The following NVL variants were observed in gnomAD, a reference collection of about 807,000 sequenced individuals.
The protein encoded by NVL is nuclear VCP like.
In NVL, 84 loss-of-function variants were observed where a neutral mutation model predicts 110.2. The observed-to-expected ratio is 0.76, with a 90% CI of 0.64 to 0.91. The LOEUF (loss-of-function observed/expected upper bound fraction) is 0.91, where lower values mean the gene tolerates loss of function less well. Ranked by LOEUF, NVL falls within the 40% of genes least tolerant of loss-of-function variation. NVL has a pLI of 0.00. For synonymous variants in NVL, 354 were observed against 361.1 expected (o/e 0.98, Z 0.22); for missense variants, 882 against 1,035.9 (o/e 0.85, Z 2.04).
chr1:224,249,316 G>C (rs1662205143), intron 19 of NVL, among the ~76,000 whole-genome samples: 1 of 152,062 alleles, frequency 6.6e-6, no homozygotes, highest in South Asian at 2.1e-4. Context: ...GTAGAGATGG[G>C]GTTTCCCCAT....
At position 224,268,072 on chromosome 1, in the gene NVL, C is replaced by A. The variant is rs1664675866; in HGVS notation, c.2144G>T (p.Arg715Leu). The A allele has an allele frequency of 6.2e-7, 1 of 1,613,962 alleles. No homozygotes were observed. ...GGCTGCCATAATAAAAACCTGCTGG[C>A]GTGCTTCCAGACCATCCATCTCTGT... ...LLTEMDGLEA[R>L]QQVFIMAATN... The change falls in exon 18 of 23, where the codon CGC becomes CTC. Residue 715 changes from arginine to leucine, a missense_variant. Transcript: ENST00000281701.
rs146355877 is a variant in NVL at position 224,244,103 on chromosome 1, C to T, written c.2289+6109G>A. Reference sequence around the variant, plus strand: ...AATCTGGGGGCCGGGCGTGGTGGCTCATGCCTATAATCCCAGCACTTTGGG... The same window carrying T: ...AATCTGGGGGCCGGGCGTGGTGGCTTATGCCTATAATCCCAGCACTTTGGG... On this transcript the variant is annotated intron_variant, in intron 19 of 22. Coordinates refer to ENST00000281701, the MANE Select transcript of NVL (RefSeq NM_002533.4). Among the ~76,000 whole-genome samples, 470 of 151,806 alleles carry T rather than the reference C, an allele frequency of 3.1e-3. 6 individuals are homozygous for T. The highest frequency in any genetic ancestry group is 7.4e-3 in the Admixed American group (113 of 15,252).
intron 22 of NVL, among the ~76,000 whole-genome samples, chr1:224,229,598 C>T (rs986485842): frequency 1.3e-4 from 20 of 151,866 alleles, no homozygotes; most frequent in Admixed American, 5.3e-4. Flanking sequence ...GCTGGGACTA[C>T]AGGTGCGCGC....
intron 18 of NVL, among the ~76,000 whole-genome samples, chr1:224,266,280 A>C (rs563531957): frequency 2.6e-4 from 39 of 152,316 alleles, no homozygotes; most frequent in South Asian, 1.2e-3. Context: ...CAGTGAAACT[A>C]ATCTTTTGCT....
At chr1:224,299,880 T>C (rs1442462881) in intron 10 of NVL, among the ~76,000 whole-genome samples, 1 of 152,214 alleles carries the variant, frequency 6.6e-6, no homozygotes, top group Admixed American at 6.5e-5. Context: ...CTCTTCTAAT[T>C]TCACACAGGC....
intron 10 of NVL, chr1:224,298,268 GT>G: frequency 3.6e-6 from 1 of 279,246 alleles, no homozygotes; most frequent in Non-Finnish European, 6.8e-6. Flanking sequence ...AATGGGTACT[GT>G]TCAAAAAGGA....
intron 15 of NVL, among the ~76,000 whole-genome samples, chr1:224,282,070 A>ATTT (rs571698440): frequency 7.0e-6 from 1 of 142,224 alleles, no homozygotes; most frequent in Admixed American, 7.0e-5. Flanking sequence ...TTTCACTTTA[A>ATTT]TTTTTTTTTT....
At chr1:224,314,211 C>T (rs1430989853) in intron 4 of NVL, among the ~76,000 whole-genome samples, 3 of 152,044 alleles carry the variant, frequency 2.0e-5, no homozygotes, top group African/African-American at 7.2e-5. Context: ...AGAAATTCCA[C>T]CTCAAAAATT....
At position 224,246,049 on chromosome 1, in the gene NVL, G is replaced by C. The variant is rs1324836064; in HGVS notation, c.2289+4163C>G. 5.3e-5 allele frequency among the ~76,000 whole-genome samples: 8 copies of C among 150,278 alleles called. No individual in the cohort carries two copies. The East Asian group carries it at 1.6e-3, about 29-fold the overall frequency. ...GCCAGATGACTTTTTTTTTTTTGGA[G>C]ACAGAGTTTTGCTCTTGTTGCCCAG... On this transcript the variant is annotated intron_variant, in intron 19 of 22. Coordinates refer to ENST00000281701, the MANE Select transcript of NVL (RefSeq NM_002533.4).
intron 17 of NVL, among the ~76,000 whole-genome samples, chr1:224,273,042 AC>A (rs1332451011): frequency 0.014 from 1,230 of 88,980 alleles, 35 homozygotes; most frequent in African/African-American, 0.04. Flanking sequence ...TCAAAAAAAA[AC>A]AAAAAAAACA....
At chr1:224,329,013 A>T (rs369587311) in intron 1 of NVL, among the ~76,000 whole-genome samples, 88 of 152,106 alleles carry the variant, frequency 5.8e-4, no homozygotes, top group South Asian at 5.2e-3. Context: ...GACCAGCCAG[A>T]GTAACATAGT....
Position 224,233,184 on chromosome 1 carries a change from T to G in NVL, c.2455+17A>C. 2 of 1,600,546 alleles carry G rather than the reference T, an allele frequency of 1.2e-6. No individual in the cohort carries two copies. The highest frequency in any genetic ancestry group is 1.7e-6 in the Non-Finnish European group (2 of 1,172,090). On this transcript the variant is annotated intron_variant, in intron 21 of 22. Transcript: ENST00000281701. ...AGTATCATAATTAGAATTGAGAGAT[T>G]CTGGAGAGAATTGTACCTTTTTCAT... is the stretch of plus-strand genomic sequence containing the variant.
chr1:224,307,141 A>G (rs1377380017), intron 6 of NVL, among the ~76,000 whole-genome samples: 1 of 152,206 alleles, frequency 6.6e-6, no homozygotes, highest in Admixed American at 6.5e-5. Flanking sequence ...GAGATGTTTT[A>G]CATTCTATTT....
rs1484393662 is a variant in NVL, at chr1:224,286,035, C to A, written c.1890G>T (p.Leu630=). The A allele has an allele frequency of 1.9e-6, 3 of 1,613,236 alleles. No homozygotes were observed. Among genetic ancestry groups the A allele is most frequent in the African/African-American group, 1.3e-5 (1 of 74,878 alleles). The change falls in exon 15 of 23, where the codon CTG becomes CTT. Residue 630 remains leucine (L), a synonymous_variant. Transcript: ENST00000281701. Reference sequence around the variant, plus strand: ...TGAACTTATATGATACCTTCGCCAGCAGAGTCTTCCCACAGCCAGGAGGAC... The same window carrying A: ...TGAACTTATATGATACCTTCGCCAGAAGAGTCTTCCCACAGCCAGGAGGAC... ...LAGPPGCGKT[L]LAKAVANESG...
rs888679149 is a variant in NVL at position 224,256,905 on chromosome 1, T to A, written c.2183-6587A>T. On this transcript the variant is annotated intron_variant, in intron 18 of 22. Coordinates refer to ENST00000281701, the MANE Select transcript of NVL (RefSeq NM_002533.4). ...CCATTAGCAAATCAGGTCAACCCTA[T>A]GACACAATATATTCAGATTCCTTCT... 15 of 433,012 alleles carry A rather than the reference T, an allele frequency of 3.5e-5. No individual in the cohort carries two copies. The Admixed American group carries it at 4.8e-4, about 14-fold the overall frequency. 26.8% of individuals were successfully genotyped at this position (433,012 alleles called of 1,614,324 possible). A position where few individuals can be genotyped will look rare whatever the true frequency, so the allele number is the denominator to read the frequency against.
chr1:224,252,833 C>T (rs1662656335), intron 18 of NVL, among the ~76,000 whole-genome samples: 1 of 152,178 alleles, frequency 6.6e-6, no homozygotes, highest in Non-Finnish European at 1.5e-5. Flanking sequence ...TTGAGGACTC[C>T]TTTGTAACCT....
At chr1:224,269,141 G>A (rs1415942172) in intron 17 of NVL, among the ~76,000 whole-genome samples, 1 of 138,604 alleles carries the variant, frequency 7.2e-6, no homozygotes, top group Non-Finnish European at 1.5e-5. Context: ...AGGCTAGAGT[G>A]TACTGGTGTG....
chr1:224,313,158 C>CA (rs760756328), intron 4 of NVL: 37 of 79,166 alleles, frequency 4.7e-4, no homozygotes, highest in East Asian at 2.2e-3. Context: ...GACGCTGTCT[C>CA]AAAAAAAAAA....
intron 16 of NVL, among the ~76,000 whole-genome samples, chr1:224,278,782 G>A (rs1666030279): frequency 2.0e-5 from 3 of 151,970 alleles, no homozygotes; most frequent in Admixed American, 2.0e-4. Context: ...GCCTAGGCTG[G>A]AGAGCAGTGG....
Sources: gnomAD v4.1 joint callset for allele counts (sites outside exome capture counted in the v4.1 genomes callset) on GRCh38, gnomAD v4.1.1 for gene constraint, MANE v1.5 for transcripts, NCBI Gene and HGNC (gene_info 2026-07-23, HGNC 2026-07-21) for gene names.